FHIT: variants seen among roughly 807,000 people sequenced by gnomAD.
FHIT encodes bis(5'-adenosyl)-triphosphatase.
In FHIT, 19 loss-of-function variants were observed where a neutral mutation model predicts 17.9. The ratio of observed to expected loss-of-function variants is 1.06; its 90% CI spans 0.74 to 1.56. The LOEUF is 1.56. Among genes scored for constraint, FHIT ranks in the 40% most tolerant of loss-of-function variants. The probability of loss-of-function intolerance (pLI) is 0.00; values close to 1 mark genes in which losing one functional copy is unlikely to be tolerated. For missense variants in FHIT, 248 were observed against 189.2 expected (o/e 1.31, Z -1.82); for synonymous variants, 81 against 69.7 (o/e 1.16, Z -0.81).
intron 5 of FHIT, among the ~76,000 whole-genome samples, chr3:60,236,406 A>G (rs965345519): frequency 2.3e-4 from 35 of 151,884 alleles, no homozygotes; most frequent in African/African-American, 8.2e-4. Flanking sequence ...AGCCAACAGC[A>G]CCCTTCAACT....
intron 5 of FHIT, among the ~76,000 whole-genome samples, chr3:60,253,143 T>C (rs7652771): frequency 0.018 from 2,715 of 152,294 alleles, 88 homozygotes; most frequent in African/African-American, 0.063. Flanking sequence ...TTTTAAGTTT[T>C]TATTTCCATT....
chr3:61,173,680 T>G (rs1308715718), intron 2 of FHIT, among the ~76,000 whole-genome samples: 1 of 152,192 alleles, frequency 6.6e-6, no homozygotes, highest in Non-Finnish European at 1.5e-5. Context: ...CTAAAGAGAC[T>G]GTTAGGTTAT....
intron 5 of FHIT, among the ~76,000 whole-genome samples, chr3:60,436,058 T>C (rs2107312064): frequency 6.6e-6 from 1 of 152,244 alleles, no homozygotes; most frequent in Non-Finnish European, 1.5e-5. Flanking sequence ...TTCTTTTCTT[T>C]TTGAGATGGA....
At chr3:60,003,310 A>G (rs1699799161) in intron 7 of FHIT, among the ~76,000 whole-genome samples, 1 of 152,144 alleles carries the variant, frequency 6.6e-6, no homozygotes, top group Non-Finnish European at 1.5e-5. Context: ...ATGGCAGCCT[A>G]TAAGCAACCT....
rs1015841527 is a variant in FHIT, at chr3:60,245,118, G to A, written c.104-230966C>T. Among the ~76,000 whole-genome samples the A allele has an allele frequency of 5.3e-5, 8 of 152,124 alleles. No homozygotes were observed. The South Asian group carries it at 6.2e-4, about 12-fold the overall frequency. On this transcript the variant is annotated intron_variant, in intron 5 of 9. Transcript: ENST00000492590. ...CAGCAGTCAGATCCCCTAGGATAGAGAATATGGATATGAATTCAAGAAGTC... is the reference window on the plus strand; with the variant it reads ...CAGCAGTCAGATCCCCTAGGATAGAAAATATGGATATGAATTCAAGAAGTC...
chr3:60,438,185 C>G (rs1173338116), intron 5 of FHIT, among the ~76,000 whole-genome samples: 1 of 152,034 alleles, frequency 6.6e-6, no homozygotes, highest in African/African-American at 2.4e-5. Flanking sequence ...TAGGGAACTT[C>G]CCCTGGAGGG....
At position 60,298,724 on chromosome 3, in the gene FHIT, C is replaced by T. The variant is rs949557626; in HGVS notation, c.103+238136G>A. Reference sequence around the variant, plus strand: ...TCTGTGGGAATTGATATGATCATGTCATTTTTCTTTCTTAGCCTGCTAATG... The same window carrying T: ...TCTGTGGGAATTGATATGATCATGTTATTTTTCTTTCTTAGCCTGCTAATG... On this transcript the variant is annotated intron_variant, in intron 5 of 9. Coordinates refer to ENST00000492590, the MANE Select transcript of FHIT (RefSeq NM_002012.4). 2.0e-5 allele frequency among the ~76,000 whole-genome samples: 3 copies of T among 152,114 alleles called. No homozygotes were observed. In the East Asian group the frequency reaches 5.8e-4, roughly 29 times the overall value.
At chr3:61,007,680 G>C (rs368308389) in intron 3 of FHIT, among the ~76,000 whole-genome samples, 1 of 151,974 alleles carries the variant, frequency 6.6e-6, no homozygotes, top group Admixed American at 6.6e-5. Context: ...TGCCCTATGC[G>C]ACTACAGAAT....
chr3:59,880,225 G>A (rs751705594), intron 8 of FHIT, among the ~76,000 whole-genome samples: 3 of 152,090 alleles, frequency 2.0e-5, no homozygotes, highest in Non-Finnish European at 4.4e-5. Flanking sequence ...TCTGCTGTTT[G>A]TAGAATACTC....
intron 5 of FHIT, among the ~76,000 whole-genome samples, chr3:60,286,194 A>C (rs934568184): frequency 6.6e-6 from 1 of 152,206 alleles, no homozygotes; most frequent in Non-Finnish European, 1.5e-5. Context: ...AGAATCTGGA[A>C]CACCACAATG....
intron 5 of FHIT, among the ~76,000 whole-genome samples, chr3:60,091,665 G>T (rs79581804): frequency 6.6e-6 from 1 of 152,128 alleles, no homozygotes; most frequent in African/African-American, 2.4e-5. Flanking sequence ...GGTTTCTCAC[G>T]AATGGTTTCG....
At chr3:60,205,205 C>A (rs932874129) in intron 5 of FHIT, among the ~76,000 whole-genome samples, 4 of 152,088 alleles carry the variant, frequency 2.6e-5, no homozygotes, top group African/African-American at 9.7e-5. Flanking sequence ...GTTACCGCCA[C>A]TGGACATAAT....
At chr3:61,129,588 C>G (rs914523831) in intron 2 of FHIT, among the ~76,000 whole-genome samples, 1 of 152,146 alleles carries the variant, frequency 6.6e-6, no homozygotes. Flanking sequence ...TCTCTGCTGC[C>G]TTAAAATCAC....
chr3:60,698,049 T>G (rs1468662502), intron 4 of FHIT, among the ~76,000 whole-genome samples: 3 of 152,178 alleles, frequency 2.0e-5, no homozygotes, highest in African/African-American at 7.2e-5. Flanking sequence ...TGAGCGATAA[T>G]TATGGATCAA....
intron 4 of FHIT, among the ~76,000 whole-genome samples, chr3:60,605,368 T>A (rs1285783586): frequency 6.6e-6 from 1 of 152,076 alleles, no homozygotes; most frequent in Non-Finnish European, 1.5e-5. Context: ...ATCAATAGAG[T>A]AAAATGCTTT....
intron 2 of FHIT, among the ~76,000 whole-genome samples, chr3:61,114,594 C>T (rs1423766289): frequency 6.6e-6 from 1 of 152,152 alleles, no homozygotes. Flanking sequence ...TGCTTATTTT[C>T]ATCAGCTTCC....
intron 5 of FHIT, among the ~76,000 whole-genome samples, chr3:60,227,011 G>A (rs191785114): frequency 7.2e-5 from 11 of 152,256 alleles, no homozygotes; most frequent in Admixed American, 6.5e-4. Flanking sequence ...TAGCAGTTAG[G>A]ATGATGGGAA....
intron 5 of FHIT, among the ~76,000 whole-genome samples, chr3:60,392,994 T>G (rs768846221): frequency 7.9e-5 from 12 of 152,262 alleles, no homozygotes; most frequent in Admixed American, 3.9e-4. Flanking sequence ...CTCTCCACCA[T>G]GACAATGCTC....
chr3:61,218,325 A>G (rs1168068443), intron 1 of FHIT, among the ~76,000 whole-genome samples: 1 of 152,214 alleles, frequency 6.6e-6, no homozygotes. Context: ...GTCAAGCAAT[A>G]TAAATACTAA....
Sources: allele counts gnomAD v4.1 joint callset (sites outside exome capture counted in the v4.1 genomes callset), GRCh38; gene constraint gnomAD v4.1.1; transcripts MANE v1.5; gene names NCBI Gene and HGNC (gene_info 2026-07-23, HGNC 2026-07-21).